Variants in EPHX2 observed in about 807,000 individuals in gnomAD.
EPHX2 encodes the protein epoxide hydrolase 2, also known as bifunctional epoxide hydrolase 2.
EPHX2 carries 74 observed loss-of-function variants against 78.7 expected under a neutral mutation model. The ratio of observed to expected loss-of-function variants is 0.94; its 90% CI spans 0.78 to 1.14. The LOEUF (loss-of-function observed/expected upper bound fraction) is 1.14. Among genes scored for constraint, EPHX2 ranks in the 50% most tolerant of loss-of-function variants. EPHX2 has a pLI of 0.00. For missense variants in EPHX2, 715 were observed against 702.5 expected (o/e 1.02, Z -0.20); for synonymous variants, 251 against 255.2 (o/e 0.98, Z 0.16).
intron 12 of EPHX2, among the ~76,000 whole-genome samples, chr8:27,528,511 A>G (rs1814924159): frequency 6.6e-6 from 1 of 152,134 alleles, no homozygotes; most frequent in Non-Finnish European, 1.5e-5. Flanking sequence ...TCATCTGCAA[A>G]AGGTTGGTTT....
chr8:27,543,643 A>G, intron 16 of EPHX2, 106 bp from the exon 17 acceptor site: 4 of 1,125,986 alleles, frequency 3.6e-6, no homozygotes, highest in Non-Finnish European at 3.9e-6. Flanking sequence ...TTCGGCAGAT[A>G]CAACGTCAGG....
rs1813356998 is a variant in EPHX2 at position 27,491,167 on chromosome 8, G to A, written c.-42G>A. On this transcript the variant is annotated 5_prime_UTR_variant, in exon 1 of 19. Coordinates refer to ENST00000521400, the MANE Select transcript of EPHX2 (RefSeq NM_001979.6). ...CGCCCTGGCCTTCGCGCATCTCCCA[G>A]GTTAGCTGCGTGTCCGGGTGCTAGG... 6.5e-7 allele frequency: 1 copy of A among 1,535,812 alleles called. No individual in the cohort carries two copies. The highest frequency in any genetic ancestry group is 8.7e-7 in the Non-Finnish European group (1 of 1,146,136).
chr8:27,515,516 G>A (rs556914835), intron 6 of EPHX2: 1 of 565,120 alleles, frequency 1.8e-6, no homozygotes, highest in Non-Finnish European at 3.2e-6. Flanking sequence ...TATGGTGAGA[G>A]CCACCTGTTT....
intron 6 of EPHX2, among the ~76,000 whole-genome samples, chr8:27,512,706 A>G (rs1160486956): frequency 2.6e-5 from 4 of 152,192 alleles, no homozygotes; most frequent in Non-Finnish European, 5.9e-5. Flanking sequence ...CTCATCAGCA[A>G]AAAAGGCCAG....
rs1285174311 is a variant in EPHX2, at chr8:27,491,254, C to T, written c.46C>T (p.Leu16=). The T allele has an allele frequency of 1.9e-6, 3 of 1,584,188 alleles. No homozygotes were observed. The highest frequency in any genetic ancestry group is 2.7e-5 in the African/African-American group (2 of 73,064). Residue 16 remains leucine (L), a synonymous_variant, in exon 1 of 19, where the codon CTG becomes TTG. Coordinates refer to ENST00000521400, the MANE Select transcript of EPHX2 (RefSeq NM_001979.6). ...CTTCGACCTTGACGGGGTGCTGGCGCTGCCAGCGGTGTTCGGCGTCCTCGG... is the reference window on the plus strand; with the variant it reads ...CTTCGACCTTGACGGGGTGCTGGCGTTGCCAGCGGTGTTCGGCGTCCTCGG... ...AVFDLDGVLA[L]PAVFGVLGRT... is the part of the protein sequence containing the mutation.
intron 12 of EPHX2, among the ~76,000 whole-genome samples, chr8:27,531,865 G>A (rs1338126154): frequency 6.6e-6 from 1 of 152,188 alleles, no homozygotes; most frequent in Non-Finnish European, 1.5e-5. Flanking sequence ...TAGGAGGGCT[G>A]AGCACAGGAG....
At chr8:27,525,573 T>C (rs1289636182) in intron 12 of EPHX2, 100 bp downstream of exon 12, 14 of 1,049,596 alleles carry the variant, frequency 1.3e-5, no homozygotes, top group South Asian at 5.3e-5. Flanking sequence ...TTTAATTTTA[T>C]GTGGCATTAG....
At chr8:27,501,331 T>TTCTTCTTCTTCTTCTTCC (rs1813767244) in intron 2 of EPHX2, among the ~76,000 whole-genome samples, 4 of 56,158 alleles carry the variant, frequency 7.1e-5, no homozygotes, top group African/African-American at 3.7e-4. Flanking sequence ...TATTTTCTTC[T>TTCTTCTTCTTCTTCTTCC]TCTTCTTCTT....
At chr8:27,543,250 C>G (rs1419393779) in intron 16 of EPHX2, among the ~76,000 whole-genome samples, 1 of 151,906 alleles carries the variant, frequency 6.6e-6, no homozygotes, top group African/African-American at 2.4e-5. Context: ...AATGGTGGAG[C>G]GAGAACAAAG....
At chr8:27,532,770 T>C (rs1335003997) in intron 12 of EPHX2, among the ~76,000 whole-genome samples, 1 of 152,156 alleles carries the variant, frequency 6.6e-6, no homozygotes, top group Non-Finnish European at 1.5e-5. Flanking sequence ...GGGCCCAATC[T>C]AAAGCCAAGA....
intron 4 of EPHX2, among the ~76,000 whole-genome samples, chr8:27,505,445 T>C (rs538793678): frequency 4.6e-5 from 7 of 152,310 alleles, no homozygotes; most frequent in African/African-American, 1.7e-4. Flanking sequence ...ATGGAGATCC[T>C]GGGAGACTTG....
chr8:27,505,575 C>G (rs1191122390), intron 4 of EPHX2, among the ~76,000 whole-genome samples: 1 of 152,200 alleles, frequency 6.6e-6, no homozygotes, highest in African/African-American at 2.4e-5. Context: ...CAGAGATCAC[C>G]TGTCCTAAAG....
chr8:27,491,184 G>C lies in EPHX2; in HGVS notation c.-25G>C, dbSNP rs1813358360. The C allele has an allele frequency of 1.9e-6, 3 of 1,559,216 alleles. No individual in the cohort carries two copies. The highest frequency in any genetic ancestry group is 1.7e-6 in the Non-Finnish European group (2 of 1,160,870). ...ATCTCCCAGGTTAGCTGCGTGTCCG[G>C]GTGCTAGGCTGCAGACCCGCCGCCA... On this transcript the variant is annotated 5_prime_UTR_variant, in exon 1 of 19. Transcript: ENST00000521400.
At chr8:27,513,061 T>C (rs1755873834) in intron 6 of EPHX2, among the ~76,000 whole-genome samples, 1 of 152,134 alleles carries the variant, frequency 6.6e-6, no homozygotes. Context: ...GGGTCTTCCA[T>C]GGTCCCAGGG....
chr8:27,511,829 C>T lies in EPHX2; in HGVS notation c.661-7C>T, dbSNP rs769830043. 2 of 1,614,080 alleles carry T rather than the reference C, an allele frequency of 1.2e-6. No homozygotes were observed. Among genetic ancestry groups the T allele is most frequent in the South Asian group, 2.2e-5 (2 of 91,078 alleles). ...TGTCTCTCTCACTATACCTTTCCTG[C>T]TTACAGCTTCTCAATACCCCGGCCC... On this transcript the variant is annotated splice_polypyrimidine_tract_variant and splice_region_variant and intron_variant, in intron 5 of 18. Coordinates refer to ENST00000521400, the MANE Select transcript of EPHX2 (RefSeq NM_001979.6).
chr8:27,518,048 A>G lies in EPHX2; in HGVS notation c.921A>G (p.Glu307=), dbSNP rs2234914. ...GESSAPPEIE[E]YCMEVLCKEM... is the part of the protein sequence containing the mutation. Reference sequence around the variant, plus strand: ...TATTTTTAATTGCAGAAATAGAAGAATATTGCATGGAAGTGTTATGTAAGG... The same window carrying G: ...TATTTTTAATTGCAGAAATAGAAGAGTATTGCATGGAAGTGTTATGTAAGG... Residue 307 remains glutamate (E), a synonymous_variant, in exon 9 of 19, where the codon GAA becomes GAG. Coordinates refer to ENST00000521400, the MANE Select transcript of EPHX2 (RefSeq NM_001979.6). 1.1e-3 allele frequency: 1,799 copies of G among 1,597,294 alleles called. 1 individual carries two copies. Among genetic ancestry groups the G allele is most frequent in the Admixed American group, 1.6e-3 (89 of 56,198 alleles).
At chr8:27,525,617 A>C (rs1585210860) in intron 12 of EPHX2, 144 bp downstream of exon 12, 1 of 761,038 alleles carries the variant, frequency 1.3e-6, no homozygotes, top group Non-Finnish European at 2.2e-6. Flanking sequence ...CTCAGGTGAA[A>C]CTGGCTGCCA....
In EPHX2 at chr8:27,516,367, GA is replaced by G; in HGVS notation, c.882del (p.Gly295AlafsTer11). ...AGYRVLAMDM[K>X]GYGESSAPPE... ...GTTACCGGGTCCTAGCTATGGACAT[GA>G]AAGGCTATGGAGAGTCATCTGCTCC... On this transcript the variant is annotated frameshift_variant, in exon 8 of 19. Transcript: ENST00000521400. LOFTEE classifies it high-confidence loss of function. The G allele has an allele frequency of 6.2e-7, 1 of 1,614,142 alleles. No homozygotes were observed. The highest frequency in any genetic ancestry group is 8.5e-7 in the Non-Finnish European group (1 of 1,180,014).
chr8:27,510,802 A>T (rs1318404644), intron 5 of EPHX2, among the ~76,000 whole-genome samples: 1 of 151,852 alleles, frequency 6.6e-6, no homozygotes, highest in African/African-American at 2.4e-5. Flanking sequence ...AAAAAAAAAT[A>T]GCTGGCCGTG....
Sources: gnomAD v4.1 joint callset for allele counts (sites outside exome capture counted in the v4.1 genomes callset) on GRCh38, gnomAD v4.1.1 for gene constraint, MANE v1.5 for transcripts, NCBI Gene and HGNC (gene_info 2026-07-23, HGNC 2026-07-21) for gene names.